Variants in JAG1 observed in about 807,000 individuals in gnomAD.
JAG1 encodes the protein jagged canonical Notch ligand 1.
A neutral mutation model predicts 148.7 loss-of-function variants in JAG1; 23 were observed. That is an observed-to-expected ratio of 0.15 (90% CI 0.11 to 0.22). The LOEUF (loss-of-function observed/expected upper bound fraction) is 0.22. Ranked by LOEUF, JAG1 falls within the 10% of genes least tolerant of loss-of-function variation. The pLI, the probability that JAG1 is intolerant of heterozygous loss-of-function variation, is 1.00. For synonymous variants in JAG1, 572 were observed against 598.3 expected, an observed-to-expected ratio of 0.96 and a Z score of 0.64; for missense variants, 1,054 against 1,611.2, an observed-to-expected ratio of 0.65 and a Z score of 5.92.
In JAG1 at chr20:10,639,909, G is replaced by T. The variant is rs1201643145; in HGVS notation, c.3246C>A (p.Ile1082=). Residue 1082 remains isoleucine, a synonymous_variant, in exon 26 of 26, where the codon ATC becomes ATA. Coordinates refer to ENST00000254958, the MANE Select transcript of JAG1 (RefSeq NM_000214.3). ...AGTAGAAGGCCGTCACCAAGCAACAGATCCAAGCCACAGTTAAGACAGAGC... is the reference window on the plus strand; with the variant it reads ...AGTAGAAGGCCGTCACCAAGCAACATATCCAAGCCACAGTTAAGACAGAGC... ...LLSSVLTVAW[I]CCLVTAFYWC... 1.2e-6 allele frequency: 2 copies of T among 1,614,126 alleles called. No individual in the cohort carries two copies. The highest frequency in any genetic ancestry group is 1.3e-5 in the African/African-American group (1 of 74,938).
At chr20:10,668,092 T>TTAAAAAAA (rs1491354690) in intron 2 of JAG1, among the ~76,000 whole-genome samples, 1 of 107,262 alleles carries the variant, frequency 9.3e-6, no homozygotes, top group African/African-American at 3.6e-5. Context: ...ACTGGCACCA[T>TTAAAAAAA]AAAAAAAAAA....
chr20:10,672,635 A>C, intron 2 of JAG1, 66 bp downstream of exon 2: 1 of 1,509,182 alleles, frequency 6.6e-7, no homozygotes, highest in South Asian at 1.1e-5. Flanking sequence ...CTCGCAAGGG[A>C]TAACAGGGCT....
chr20:10,650,554 C>T (rs2067338939), intron 8 of JAG1, 194 bp from the exon 9 acceptor site: 3 of 582,038 alleles, frequency 5.2e-6, no homozygotes, highest in Admixed American at 2.7e-5. Flanking sequence ...TCCCCCACTG[C>T]CCCAGTTCAT....
rs773901285 is a variant in JAG1, at chr20:10,652,524, T to C, written c.830A>G (p.Asn277Ser). 3.7e-6 allele frequency: 6 copies of C among 1,613,938 alleles called. No individual in the cohort carries two copies. The highest frequency in any genetic ancestry group is 5.1e-6 in the Non-Finnish European group (6 of 1,179,978). The stretch of plus-strand genomic sequence containing the variant: ...CTCACAGAGGCACTGCCAGGGCTCA[T>C]TACAGATGCCGTGGACGCATCCCGG... The part of the protein sequence containing the change: ...PHPGCVHGIC[N>S]EPWQCLCETN... The change falls in exon 6 of 26, where the codon AAT (asparagine) becomes AGT (serine). Residue 277 changes from asparagine to serine, a missense_variant. Around this residue, in one of 6 missense-constraint regions of JAG1, gnomAD observed 104 missense variants for 235.2 expected, o/e 0.44. Coordinates refer to ENST00000254958, the MANE Select transcript of JAG1 (RefSeq NM_000214.3).
chr20:10,653,776 C>T (rs2122616836), intron 5 of JAG1, among the ~76,000 whole-genome samples: 1 of 152,244 alleles, frequency 6.6e-6, no homozygotes, highest in Non-Finnish European at 1.5e-5. Flanking sequence ...AAATCCTTGT[C>T]ATGGGAAAAT....
chr20:10,651,385 T>C, intron 8 of JAG1, 196 bp downstream of exon 8: 1 of 573,076 alleles, frequency 1.7e-6, no homozygotes, highest in South Asian at 2.2e-5. Context: ...ATACATGCGC[T>C]ACCTTAGTGG....
rs1187579730 is a variant in JAG1, at chr20:10,649,552, G to T, written c.1318C>A (p.Pro440Thr). 1.9e-6 allele frequency: 3 copies of T among 1,612,696 alleles called. No individual in the cohort carries two copies. Among genetic ancestry groups the T allele is most frequent in the Non-Finnish European group, 2.5e-6 (3 of 1,178,772 alleles). ...TCACAATTCTGACCCATCCAGCCGG[G>T]AAGACAGTCGCAGTAGTAGCTGGCA... ...LIASYYCDCL[P>T]GWMGQNCDIN... The change falls in exon 10 of 26, where the codon CCC becomes ACC. Residue 440 changes from proline to threonine, a missense_variant. This residue lies in a region of JAG1 where 245 missense variants were observed against 373.1 expected (regional missense o/e 0.66). Transcript: ENST00000254958.
intron 14 of JAG1, 27 bp from the exon 15 acceptor site, chr20:10,646,111 G>A: frequency 6.6e-7 from 1 of 1,518,888 alleles, no homozygotes; most frequent in Non-Finnish European, 9.1e-7. Context: ...AGCAAAAAAA[G>A]AACTGAAGGA....
chr20:10,659,922 G>C (rs2067405018), intron 3 of JAG1, among the ~76,000 whole-genome samples: 1 of 152,132 alleles, frequency 6.6e-6, no homozygotes, highest in South Asian at 2.1e-4. Context: ...GCAGTTCAGG[G>C]GAGGGATCTG....
chr20:10,671,460 A>G (rs2067494273), intron 2 of JAG1, among the ~76,000 whole-genome samples: 1 of 152,028 alleles, frequency 6.6e-6, no homozygotes, highest in Non-Finnish European at 1.5e-5. Context: ...GTAATCGTGG[A>G]TTTTAAGAGC....
chr20:10,644,274 T>TCACACACACA lies in JAG1; in HGVS notation c.2372+82_2372+83insTGTGTGTGTG, dbSNP rs1491263633. 8 of 688,492 alleles carry TCACACACACA rather than the reference T, an allele frequency of 1.2e-5. No homozygotes were observed. In the African/African-American group the frequency reaches 1.2e-4, roughly 10 times the overall value. 42.6% of individuals were successfully genotyped at this position (688,492 alleles called of 1,614,324 possible). A position where few individuals can be genotyped will look rare whatever the true frequency, so the allele number is the denominator to read the frequency against. ...ATTTTAAACACAATCCCTGGGTGATTCTCACACACACACACACACACACAC... is the reference window on the plus strand; with the variant it reads ...ATTTTAAACACAATCCCTGGGTGATTCACACACACACTCACACACACACACACACACACAC... On this transcript the variant is annotated intron_variant, in intron 19 of 25. Transcript: ENST00000254958.
At chr20:10,672,157 T>A (rs2067500864) in intron 2 of JAG1, among the ~76,000 whole-genome samples, 1 of 152,024 alleles carries the variant, frequency 6.6e-6, no homozygotes, top group African/African-American at 2.4e-5. Flanking sequence ...AAGCCGAACC[T>A]GGAGAGCGCC....
At chr20:10,670,246 C>T (rs1054515747) in intron 2 of JAG1, among the ~76,000 whole-genome samples, 5 of 152,152 alleles carry the variant, frequency 3.3e-5, no homozygotes, top group Non-Finnish European at 5.9e-5. Flanking sequence ...AACTACATGA[C>T]CTTCTACACT....
At chr20:10,651,946 T>C (rs1649553966) in intron 7 of JAG1, among the ~76,000 whole-genome samples, 185 bp downstream of exon 7, 1 of 152,148 alleles carries the variant, frequency 6.6e-6, no homozygotes. Flanking sequence ...CCTATACGAA[T>C]CAGCATCACC....
rs201573066 is a variant in JAG1 at position 10,641,251 on chromosome 20, C to T, written c.2917-7G>A. ...TGTGCTCCGTAGTAAGACCCTAAAA[C>T]GATTTTTAAAAACCCACACACGTGT... On this transcript the variant is annotated splice_region_variant and splice_polypyrimidine_tract_variant and intron_variant, in intron 23 of 25. Coordinates refer to ENST00000254958, the MANE Select transcript of JAG1 (RefSeq NM_000214.3). 102 of 1,613,578 alleles carry T rather than the reference C, an allele frequency of 6.3e-5. No individual in the cohort carries two copies. The highest frequency in any genetic ancestry group is 3.7e-4 in the South Asian group (34 of 90,996).
In JAG1 at chr20:10,672,891, C is replaced by T. The variant is rs767480908; in HGVS notation, c.197G>A (p.Cys66Tyr). The change falls in exon 2 of 26, where the codon TGC (cysteine) becomes TAC (tyrosine). Residue 66 changes from cysteine to tyrosine, a missense_variant. Physicochemically the swap from Cys to Tyr is radical, Grantham distance 194. Coordinates refer to ENST00000254958, the MANE Select transcript of JAG1 (RefSeq NM_000214.3). ...GTATGTGTCACACTCGTCGCGGGTG[C>T]ACTTGCGGTCTCCCGGGTTCCGGGC... Reference protein sequence around the residue: ...GGARNPGDRKCTRDECDTYFK... With the variant: ...GGARNPGDRKYTRDECDTYFK... 3 of 1,613,266 alleles carry T rather than the reference C, an allele frequency of 1.9e-6. No homozygotes were observed. Among genetic ancestry groups the T allele is most frequent in the Non-Finnish European group, 2.5e-6 (3 of 1,180,034 alleles).
At position 10,646,932 on chromosome 20, in the gene JAG1, G is replaced by A. The variant is rs1313651759; in HGVS notation, c.1885+7C>T. 1.9e-6 allele frequency: 3 copies of A among 1,614,000 alleles called. No homozygotes were observed. Among genetic ancestry groups the A allele is most frequent in the East Asian group, 2.2e-5 (1 of 44,880 alleles). ...CACTGGTCCATTCCCGGATGAGGGA[G>A]TCTTACTTTCATGGCAGTATGTTCC... On this transcript the variant is annotated splice_region_variant and intron_variant, in intron 14 of 25. Coordinates refer to ENST00000254958, the MANE Select transcript of JAG1 (RefSeq NM_000214.3).
chr20:10,649,641 A>C lies in JAG1; in HGVS notation c.1235-6T>G, dbSNP rs1431809919. On this transcript the variant is annotated splice_region_variant and splice_polypyrimidine_tract_variant and intron_variant, in intron 9 of 25. Transcript: ENST00000254958. The stretch of plus-strand genomic sequence containing the variant: ...GGCCTCACATTCATTTGCATCTGAA[A>C]GGAGATGGGGATGAGCATGAGAAAT... The C allele has an allele frequency of 6.4e-7, 1 of 1,550,610 alleles. No homozygotes were observed. Among genetic ancestry groups the C allele is most frequent in the African/African-American group, 1.4e-5 (1 of 73,828 alleles).
intron 2 of JAG1, among the ~76,000 whole-genome samples, chr20:10,667,272 C>T (rs567327804): frequency 3.2e-4 from 49 of 152,368 alleles, no homozygotes; most frequent in African/African-American, 1.1e-3. Context: ...GACGTGCCAA[C>T]GCGGCCATTG....
Sources: allele counts gnomAD v4.1 joint callset (sites outside exome capture counted in the v4.1 genomes callset), GRCh38; gene constraint gnomAD v4.1.1; regional missense constraint gnomAD v4.1.1; transcripts MANE v1.5; gene names NCBI Gene and HGNC (gene_info 2026-07-23, HGNC 2026-07-21).